DMD: variants seen among roughly 807,000 people sequenced by gnomAD.
The protein encoded by DMD is dystrophin.
In DMD, 63 loss-of-function variants were observed where a neutral mutation model predicts 330.1. The ratio of observed to expected loss-of-function variants is 0.19; its 90% CI spans 0.16 to 0.24. The LOEUF is 0.24. DMD is among the 10% of genes least tolerant of loss of function. The pLI, the probability that DMD is intolerant of heterozygous loss-of-function variation, is 1.00. For synonymous variants in DMD, 1,223 were observed against 959.8 expected, an observed-to-expected ratio of 1.27 and a Z score of -5.07; for missense variants, 3,344 against 2,684.1, an observed-to-expected ratio of 1.25 and a Z score of -5.43.
chrX:31,407,325 C>G (rs1371463094), intron 60 of DMD, among the ~76,000 whole-genome samples: 2 of 109,539 alleles, frequency 1.8e-5, no homozygotes, highest in Non-Finnish European at 3.8e-5. Context: ...TCACCACGTC[C>G]AGCTAATTTT....
chrX:33,311,337 A>G (rs1300637198), intron 1 of DMD, among the ~76,000 whole-genome samples: 1 of 110,072 alleles, frequency 9.1e-6, no homozygotes, highest in Non-Finnish European at 1.9e-5. Flanking sequence ...ACAGACAGAC[A>G]CTTATCTATA....
Position 31,144,096 on chromosome X carries a change from A to T in DMD, c.10921+2195T>A, listed in dbSNP as rs192717338. Among the ~76,000 whole-genome samples, 162 of 111,721 alleles carry T rather than the reference A, an allele frequency of 1.5e-3. 1 individual carries two copies. The highest frequency in any genetic ancestry group is 1.7e-3 in the Non-Finnish European group (91 of 53,069). On this transcript the variant is annotated intron_variant, in intron 76 of 78. Coordinates refer to ENST00000357033, the MANE Select transcript of DMD (RefSeq NM_004006.3). ...CCTCAAACATATCCTTTTCCTTCTC[A>T]AAAAAATCAAAACCTGGCTTTCCTA...
At chrX:31,807,426 G>A (rs747147604) in intron 50 of DMD, among the ~76,000 whole-genome samples, 46 of 111,239 alleles carry the variant, frequency 4.1e-4, no homozygotes, top group Non-Finnish European at 5.1e-4. Context: ...TTTTGACCTT[G>A]AATTGACAGT....
intron 43 of DMD, among the ~76,000 whole-genome samples, chrX:32,286,705 C>T (rs776327346): frequency 3.6e-5 from 4 of 111,267 alleles, no homozygotes; most frequent in African/African-American, 1.3e-4. Context: ...TCTTTAGGTG[C>T]CTGATGTAGT....
At chrX:31,920,193 A>G (rs2094670015) in intron 47 of DMD, among the ~76,000 whole-genome samples, 1 of 112,251 alleles carries the variant, frequency 8.9e-6, no homozygotes, top group East Asian at 2.8e-4. Context: ...ACATAAATAA[A>G]CTCACATCTT....
intron 50 of DMD, among the ~76,000 whole-genome samples, chrX:31,817,289 A>G (rs1213227574): frequency 1.8e-5 from 2 of 112,070 alleles, no homozygotes; most frequent in African/African-American, 6.5e-5. Context: ...CATATACAAG[A>G]AGCATAATAC....
intron 61 of DMD, among the ~76,000 whole-genome samples, chrX:31,333,848 T>C (rs780972963): frequency 7.1e-5 from 8 of 111,998 alleles, no homozygotes; most frequent in Non-Finnish European, 1.3e-4. Context: ...TATATTTATA[T>C]TCATTATACA....
intron 44 of DMD, among the ~76,000 whole-genome samples, chrX:31,975,467 T>C (rs757271682): frequency 3.6e-5 from 4 of 111,932 alleles, no homozygotes; most frequent in Non-Finnish European, 7.5e-5. Context: ...TGTGTTTTTC[T>C]CTCCATTTAC....
intron 55 of DMD, among the ~76,000 whole-genome samples, chrX:31,511,232 T>TTATA (rs2071512195): frequency 9.4e-6 from 1 of 105,961 alleles, no homozygotes; most frequent in Non-Finnish European, 1.9e-5. Context: ...GGAATATACA[T>TTATA]TATACATAAT....
chrX:32,280,763 A>G (rs947472489), intron 43 of DMD, among the ~76,000 whole-genome samples: 3 of 112,081 alleles, frequency 2.7e-5, no homozygotes, highest in Non-Finnish European at 5.6e-5. Flanking sequence ...TATAGTGATA[A>G]CGTGAGGATT....
intron 47 of DMD, among the ~76,000 whole-genome samples, chrX:31,905,960 A>G (rs1049585882): frequency 4.5e-4 from 50 of 112,133 alleles, no homozygotes; most frequent in African/African-American, 1.5e-3. Flanking sequence ...TTTGTTTTTC[A>G]GATTCGAAAC....
intron 44 of DMD, among the ~76,000 whole-genome samples, chrX:32,009,573 G>C (rs992002617): frequency 2.7e-5 from 3 of 111,613 alleles, no homozygotes; most frequent in Non-Finnish European, 5.7e-5. Context: ...TTTGGAGAAA[G>C]AAACACTTAA....
chrX:32,103,725 C>T (rs2096551109), intron 44 of DMD, among the ~76,000 whole-genome samples: 1 of 112,062 alleles, frequency 8.9e-6, no homozygotes, highest in South Asian at 3.7e-4. Flanking sequence ...ATAAGGAAGG[C>T]CTATTATATT....
intron 44 of DMD, among the ~76,000 whole-genome samples, chrX:32,085,262 A>G (rs945134020): frequency 9.0e-6 from 1 of 110,885 alleles, no homozygotes; most frequent in Non-Finnish European, 1.9e-5. Context: ...GTATGTATGC[A>G]TACATATACA....
chrX:33,286,823 G>T (rs1259332319), intron 1 of DMD, among the ~76,000 whole-genome samples: 2 of 112,192 alleles, frequency 1.8e-5, no homozygotes, highest in East Asian at 2.8e-4. Flanking sequence ...GTGGTTATTT[G>T]ATTTGTTTCT....
At chrX:31,765,026 T>A (rs1296890086) in intron 51 of DMD, among the ~76,000 whole-genome samples, 3 of 107,811 alleles carry the variant, frequency 2.8e-5, no homozygotes, top group Non-Finnish European at 5.8e-5. Flanking sequence ...TTAAAAATCA[T>A]AAAAGCACAA....
intron 48 of DMD, among the ~76,000 whole-genome samples, chrX:31,851,554 A>C (rs1006346491): frequency 7.2e-5 from 8 of 111,778 alleles, no homozygotes; most frequent in Non-Finnish European, 1.5e-4. Context: ...TGGCAAATGA[A>C]ATATTACCAA....
intron 1 of DMD, among the ~76,000 whole-genome samples, chrX:33,105,019 AATT>A (rs1253453633): frequency 2.7e-5 from 3 of 112,112 alleles, no homozygotes; most frequent in Non-Finnish European, 5.6e-5. Flanking sequence ...AGTGGCTAAA[AATT>A]ATTATCTTAA....
At chrX:31,178,575 A>T in intron 70 of DMD, 94 bp downstream of exon 70, 1 of 1,100,305 alleles carries the variant, frequency 9.1e-7, no homozygotes, top group Non-Finnish European at 1.2e-6. Flanking sequence ...AATAGAAGAG[A>T]CTGTTTGCAT....
Sources: allele counts gnomAD v4.1 joint callset (sites outside exome capture counted in the v4.1 genomes callset), GRCh38; gene constraint gnomAD v4.1.1; transcripts MANE v1.5; gene names NCBI Gene and HGNC (gene_info 2026-07-23, HGNC 2026-07-21).